The following MSRB2 variants were observed in gnomAD, a reference collection of about 807,000 sequenced individuals.
MSRB2 encodes methionine-R-sulfoxide reductase B2, mitochondrial.
A neutral mutation model predicts 19.0 loss-of-function variants in MSRB2; 17 were observed. The ratio of observed to expected loss-of-function variants is 0.89; its 90% CI spans 0.61 to 1.34. The LOEUF (loss-of-function observed/expected upper bound fraction) is 1.34, where lower values mean the gene tolerates loss of function less well. Ranked by LOEUF, MSRB2 falls within the 40% of genes most tolerant of loss-of-function variation. MSRB2 has a pLI of 0.00. For missense variants in MSRB2, 208 were observed against 237.6 expected (o/e 0.88, Z 0.82); for synonymous variants, 107 against 99.7 (o/e 1.07, Z -0.44).
chr10:23,103,727 C>A (rs993412955), intron 1 of MSRB2, among the ~76,000 whole-genome samples: 2 of 152,170 alleles, frequency 1.3e-5, no homozygotes, highest in African/African-American at 4.8e-5. Flanking sequence ...AGTTTAATAA[C>A]CGACTAGCTC....
intron 2 of MSRB2, among the ~76,000 whole-genome samples, chr10:23,104,647 A>C (rs886489797): frequency 6.6e-6 from 1 of 152,114 alleles, no homozygotes; most frequent in Non-Finnish European, 1.5e-5. Context: ...GTGGCTGCCC[A>C]GTGCTTTCAA....
At chr10:23,119,827 G>A (rs1007353129) in intron 4 of MSRB2, among the ~76,000 whole-genome samples, 2 of 151,854 alleles carry the variant, frequency 1.3e-5, no homozygotes, top group Admixed American at 1.3e-4. Flanking sequence ...ACTCCTGACC[G>A]CAAGTGATCC....
intron 2 of MSRB2, among the ~76,000 whole-genome samples, chr10:23,109,712 G>C (rs916343187): frequency 6.6e-6 from 1 of 152,206 alleles, no homozygotes; most frequent in East Asian, 1.9e-4. Flanking sequence ...GGGCACTGAG[G>C]GGGTGGGGAA....
In MSRB2 at chr10:23,120,938, G is replaced by T. The variant is rs942615140; in HGVS notation, c.*76G>T. On this transcript the variant is annotated 3_prime_UTR_variant, in exon 5 of 5. Coordinates refer to ENST00000376510, the MANE Select transcript of MSRB2 (RefSeq NM_012228.4). ...TTTCCACAATTCACTTGAATGACTT[G>T]TTTTATTTGCAATAAAACTGGGCTG... is the stretch of plus-strand genomic sequence containing the variant. The T allele has an allele frequency of 9.5e-6, 11 of 1,158,670 alleles. No individual in the cohort carries two copies. The East Asian group carries it at 9.6e-5, about 10-fold the overall frequency. The allele number at this position is 1,158,670 out of a possible 1,614,324, so 71.8% of individuals were successfully genotyped here.
At position 23,095,655 on chromosome 10, in the gene MSRB2, C is replaced by A; in HGVS notation, c.47C>A (p.Ala16Glu). 7.0e-7 allele frequency: 1 copy of A among 1,426,720 alleles called. No homozygotes were observed. The highest frequency in any genetic ancestry group is 9.1e-7 in the Non-Finnish European group (1 of 1,095,836). The allele number at this position is 1,426,720 out of a possible 1,614,324, so 88.4% of individuals were successfully genotyped here. The change falls in exon 1 of 5, where the codon GCG (alanine) becomes GAG (glutamate). Residue 16 changes from alanine (A) to glutamate (E), a missense_variant. Physicochemically the swap from Ala to Glu is moderately radical, Grantham distance 107. Coordinates refer to ENST00000376510, the MANE Select transcript of MSRB2 (RefSeq NM_012228.4). ...CTCCGGGGCCTGACCCTCGGAACTGCGCCTCGGCGGGCGGTGCGGGGCCAA... is the reference window on the plus strand; with the variant it reads ...CTCCGGGGCCTGACCCTCGGAACTGAGCCTCGGCGGGCGGTGCGGGGCCAA... ...WLLRGLTLGT[A>E]PRRAVRGQAG...
chr10:23,107,579 T>A (rs10764382), intron 2 of MSRB2, among the ~76,000 whole-genome samples: 47,254 of 152,064 alleles, frequency 0.31, 7,688 homozygotes, highest in Middle Eastern at 0.4. Flanking sequence ...TCTGATACAG[T>A]CAGCCTTTGT....
chr10:23,108,769 C>T (rs1367528114), intron 2 of MSRB2, among the ~76,000 whole-genome samples: 1 of 152,126 alleles, frequency 6.6e-6, no homozygotes, highest in Non-Finnish European at 1.5e-5. Context: ...AGCCACCACA[C>T]CTGGCCAACT....
In MSRB2 at chr10:23,104,049, G is replaced by T. The variant is rs915014348; in HGVS notation, c.119-95G>T. 7.6e-6 allele frequency: 7 copies of T among 926,678 alleles called. No individual in the cohort carries two copies. In the African/African-American group the frequency reaches 1.2e-4, roughly 15 times the overall value. 57.4% of individuals were successfully genotyped at this position (926,678 alleles called of 1,614,324 possible). ...AGAGAGGAAGGGACTGGATTATTCT[G>T]CTGGGTGACAGTACACTTAGGGAAA... On this transcript the variant is annotated intron_variant, in intron 1 of 4. Coordinates refer to ENST00000376510, the MANE Select transcript of MSRB2 (RefSeq NM_012228.4).
intron 2 of MSRB2, among the ~76,000 whole-genome samples, chr10:23,109,310 G>A (rs910771252): frequency 1.3e-5 from 2 of 152,196 alleles, no homozygotes; most frequent in African/African-American, 4.8e-5. Context: ...AGCATTTTGA[G>A]AGGCCAAGAC....
intron 2 of MSRB2, 62 bp from the exon 3 acceptor site, chr10:23,110,180 C>T: frequency 7.7e-7 from 1 of 1,294,900 alleles, no homozygotes; most frequent in Non-Finnish European, 1.1e-6. Context: ...TTTAAATCTG[C>T]TGTTTCAACT....
At chr10:23,108,104 C>G (rs1367401527) in intron 2 of MSRB2, among the ~76,000 whole-genome samples, 1 of 151,768 alleles carries the variant, frequency 6.6e-6, no homozygotes, top group African/African-American at 2.4e-5. Flanking sequence ...ATTACAGGTG[C>G]CTGCCACTAC....
chr10:23,111,720 T>G (rs1235624912), intron 3 of MSRB2, among the ~76,000 whole-genome samples: 1 of 152,196 alleles, frequency 6.6e-6, no homozygotes, highest in Non-Finnish European at 1.5e-5. Context: ...ATGTGGTAGC[T>G]GCTCATCACA....
At chr10:23,114,210 C>G (rs762663687) in intron 3 of MSRB2, among the ~76,000 whole-genome samples, 1 of 151,868 alleles carries the variant, frequency 6.6e-6, no homozygotes, top group South Asian at 2.1e-4. Context: ...ACTAGTTGGG[C>G]GTGGTAGCAC....
chr10:23,115,957 C>G (rs79667097), intron 3 of MSRB2, among the ~76,000 whole-genome samples: 1,971 of 152,220 alleles, frequency 0.013, 44 homozygotes, highest in African/African-American at 0.046. Context: ...TTAAAAGATA[C>G]TTAATGATGT....
intron 1 of MSRB2, among the ~76,000 whole-genome samples, chr10:23,100,023 C>T (rs1839910678): frequency 2.0e-5 from 3 of 152,124 alleles, no homozygotes; most frequent in Non-Finnish European, 4.4e-5. Context: ...TTTCTAAGCC[C>T]ATTCCACTTC....
chr10:23,101,537 G>C (rs1316771834), intron 1 of MSRB2, among the ~76,000 whole-genome samples: 1 of 152,210 alleles, frequency 6.6e-6, no homozygotes. Flanking sequence ...TAGTGGGATT[G>C]CTGGATTAAA....
chr10:23,110,343 G>A (rs749136990), intron 3 of MSRB2, 25 bp downstream of exon 3: 20 of 1,592,368 alleles, frequency 1.3e-5, no homozygotes, highest in East Asian at 4.5e-5. Flanking sequence ...TGAGAGCCAC[G>A]GAAGGAGACC....
Position 23,109,182 on chromosome 10 carries a change from G to A in MSRB2, c.220-1060G>A, listed in dbSNP as rs74121747. ...TAGCGGATCTTCATGGTCAGCTTGT[G>A]CAAGGGTTGTTTTTTATTTAATTTT... On this transcript the variant is annotated intron_variant, in intron 2 of 4. Transcript: ENST00000376510. 8.6e-3 allele frequency among the ~76,000 whole-genome samples: 1,308 copies of A among 152,276 alleles called. 18 individuals are homozygous for A. Among genetic ancestry groups the A allele is most frequent in the African/African-American group, 0.031 (1,267 of 41,540 alleles).
At chr10:23,118,761 C>T (rs1458958985) in intron 3 of MSRB2, among the ~76,000 whole-genome samples, 2 of 152,138 alleles carry the variant, frequency 1.3e-5, no homozygotes, top group African/African-American at 2.4e-5. Flanking sequence ...GCTAGGTGAG[C>T]AAACTGAGGC....
Sources: allele counts gnomAD v4.1 joint callset (sites outside exome capture counted in the v4.1 genomes callset), GRCh38; gene constraint gnomAD v4.1.1; transcripts MANE v1.5; gene names NCBI Gene and HGNC (gene_info 2026-07-23, HGNC 2026-07-21).